Variants in SVIL observed in about 807,000 individuals in gnomAD.
The protein encoded by SVIL is archvillin.
A neutral mutation model predicts 240.4 loss-of-function variants in SVIL; 101 were observed. That is an observed-to-expected ratio of 0.42 (90% CI 0.36 to 0.50). The LOEUF is 0.50. Ranked by LOEUF, SVIL falls within the 20% of genes least tolerant of loss-of-function variation. The pLI is 0.01. For missense variants in SVIL, 2,512 were observed against 2,818.7 expected, an observed-to-expected ratio of 0.89 and a Z score of 2.46; for synonymous variants, 999 against 1,100.0, an observed-to-expected ratio of 0.91 and a Z score of 1.82.
intron 29 of SVIL, among the ~76,000 whole-genome samples, chr10:29,477,011 C>T (rs1240048141): frequency 6.6e-6 from 1 of 151,958 alleles, no homozygotes. Context: ...TATAGGTGCC[C>T]GCCACTATGC....
At chr10:29,498,088 C>CAAAAAAAAAAAAAA (rs34280398) in intron 18 of SVIL, among the ~76,000 whole-genome samples, 1 of 37,480 alleles carries the variant, frequency 2.7e-5, no homozygotes, top group Non-Finnish European at 6.8e-5. Context: ...TCCCCTCCAC[C>CAAAAAAAAAAAAAA]AAAAAAAAAA....
At chr10:29,680,134 G>A (rs1380834517) in intron 2 of SVIL, among the ~76,000 whole-genome samples, 2 of 152,182 alleles carry the variant, frequency 1.3e-5, no homozygotes, top group East Asian at 1.9e-4. Context: ...GCAGTGAGCC[G>A]TGACTGTGCT....
intron 22 of SVIL, among the ~76,000 whole-genome samples, chr10:29,490,592 A>T (rs975676139): frequency 1.6e-5 from 2 of 124,984 alleles, no homozygotes; most frequent in South Asian, 4.4e-4. Context: ...CTTTAAAAAA[A>T]AAAAAAAAAA....
intron 7 of SVIL, among the ~76,000 whole-genome samples, chr10:29,535,365 A>G (rs563637367): frequency 3.9e-5 from 6 of 152,316 alleles, no homozygotes; most frequent in African/African-American, 7.2e-5. Flanking sequence ...GACAATCTGA[A>G]TGTTGTCCTC....
intron 1 of SVIL, among the ~76,000 whole-genome samples, chr10:29,611,886 T>C (rs888375714): frequency 4.6e-5 from 7 of 151,946 alleles, no homozygotes; most frequent in African/African-American, 1.7e-4. Context: ...TATTAGAAAA[T>C]GGGGCCACGC....
chr10:29,719,599 A>G (rs1197039771), intron 1 of SVIL, among the ~76,000 whole-genome samples: 1 of 152,252 alleles, frequency 6.6e-6, no homozygotes, highest in Non-Finnish European at 1.5e-5. Context: ...AAGGACAAAT[A>G]TTCAAGATTT....
chr10:29,702,175 C>CAAA (rs60338711), intron 1 of SVIL, among the ~76,000 whole-genome samples: 2,873 of 59,414 alleles, frequency 0.048, 27 homozygotes, highest in East Asian at 0.067. Flanking sequence ...ACTCCATCTC[C>CAAA]AAAAAAAAAA....
Position 29,583,863 on chromosome 10 carries a change from C to T in SVIL, c.-200-14551G>A, listed in dbSNP as rs78865538. Among the ~76,000 whole-genome samples, 1,232 of 152,268 alleles carry T rather than the reference C, an allele frequency of 8.1e-3. 18 individuals are homozygous for T. The highest frequency in any genetic ancestry group is 0.025 in the African/African-American group (1,033 of 41,546). On this transcript the variant is annotated intron_variant, in intron 1 of 37. Transcript: ENST00000355867. ...TGAAATGACTCAAGACACGTTTATG[C>T]GTGGGTGTAACATCTGATTAAGCAA...
intron 1 of SVIL, among the ~76,000 whole-genome samples, chr10:29,581,786 G>C (rs78513391): frequency 1.3e-5 from 2 of 152,220 alleles, no homozygotes; most frequent in African/African-American, 2.4e-5. Context: ...CAGAGGAAGA[G>C]AGAATGGTCA....
rs866983758 is a variant in SVIL at position 29,562,775 on chromosome 10, A to T, written c.-51+426T>A. Reference sequence around the variant, plus strand: ...GACTCCGTCTCAAAAAAAAGAAAAAAAAAAAAAAAAAAAAAAAAAAAGAGC... The same window carrying T: ...GACTCCGTCTCAAAAAAAAGAAAAATAAAAAAAAAAAAAAAAAAAAAGAGC... On this transcript the variant is annotated intron_variant, in intron 3 of 37. Transcript: ENST00000355867. 5.4e-5 allele frequency among the ~76,000 whole-genome samples: 7 copies of T among 128,996 alleles called. No homozygotes were observed. The Admixed American group carries it at 5.9e-4, about 11-fold the overall frequency. 84.6% of individuals were successfully genotyped at this position (128,996 alleles called of 152,430 possible).
chr10:29,532,033 T>G lies in SVIL; in HGVS notation c.1978A>C (p.Ile660Leu). The G allele has an allele frequency of 6.2e-7, 1 of 1,614,204 alleles. No individual in the cohort carries two copies. The highest frequency in any genetic ancestry group is 2.2e-5 in the East Asian group (1 of 44,884). Reference sequence around the variant, plus strand: ...GATTCCTTTCGTTCTGCTGAAGTTATAGGTTGGGTTCTAAATCTCTCGGAA... The same window carrying G: ...GATTCCTTTCGTTCTGCTGAAGTTAGAGGTTGGGTTCTAAATCTCTCGGAA... ...KTSERFRTQP[I>L]TSAERKESDR... The change falls in exon 9 of 38, where the codon ATA becomes CTA. Residue 660 changes from isoleucine (I) to leucine (L), a missense_variant. Around this residue, in one of 3 missense-constraint regions of SVIL, gnomAD observed 1,443 missense variants for 1,486.6 expected, o/e 0.97. Transcript: ENST00000355867.
At chr10:29,652,540 G>A (rs1589454929) in intron 3 of SVIL, among the ~76,000 whole-genome samples, 1 of 152,166 alleles carries the variant, frequency 6.6e-6, no homozygotes, top group East Asian at 1.9e-4. Flanking sequence ...GGGACTACAG[G>A]TATAGGTATA....
At chr10:29,507,798 G>A in intron 17 of SVIL, 1 of 985,290 alleles carries the variant, frequency 1.0e-6, no homozygotes, top group Non-Finnish European at 1.2e-6. Context: ...AGAATAAGTA[G>A]AAGCATATAC....
intron 6 of SVIL, among the ~76,000 whole-genome samples, chr10:29,538,332 G>T (rs564358072): frequency 6.6e-6 from 1 of 152,268 alleles, no homozygotes; most frequent in South Asian, 2.1e-4. Flanking sequence ...GACTTACTGG[G>T]CTCCATTTGC....
intron 16 of SVIL, among the ~76,000 whole-genome samples, chr10:29,519,221 C>T (rs945333830): frequency 2.6e-5 from 4 of 152,278 alleles, no homozygotes; most frequent in South Asian, 2.1e-4. Context: ...GTCCTCTCAC[C>T]GTATTCTCCT....
At chr10:29,734,897 G>T (rs1297041765) in intron 1 of SVIL, among the ~76,000 whole-genome samples, 1 of 152,100 alleles carries the variant, frequency 6.6e-6, no homozygotes, top group Non-Finnish European at 1.5e-5. Flanking sequence ...TGGCGGACAG[G>T]AGCTCCTTTA....
intron 29 of SVIL, among the ~76,000 whole-genome samples, chr10:29,479,954 G>T (rs1252472402): frequency 2.6e-5 from 4 of 152,166 alleles, no homozygotes; most frequent in Admixed American, 2.6e-4. Flanking sequence ...CAAGCATCCA[G>T]GTGAGTGTTT....
At chr10:29,702,323 A>AC (rs1962581456) in intron 1 of SVIL, among the ~76,000 whole-genome samples, 1 of 143,242 alleles carries the variant, frequency 7.0e-6, no homozygotes, top group South Asian at 2.3e-4. Context: ...AAAGAAAAAA[A>AC]ATCCACATTC....
At chr10:29,479,153 C>G (rs1946549374) in intron 29 of SVIL, among the ~76,000 whole-genome samples, 4 of 152,214 alleles carry the variant, frequency 2.6e-5, no homozygotes, top group Non-Finnish European at 4.4e-5. Flanking sequence ...GCTCCAAGGT[C>G]TGGTGACTGG....
Sources: allele counts gnomAD v4.1 joint callset (sites outside exome capture counted in the v4.1 genomes callset), GRCh38; gene constraint gnomAD v4.1.1; regional missense constraint gnomAD v4.1.1; transcripts MANE v1.5; gene names NCBI Gene and HGNC (gene_info 2026-07-23, HGNC 2026-07-21).